CLOCK: variants seen among roughly 807,000 people sequenced by gnomAD.
The protein encoded by CLOCK is clock circadian regulator, also known as circadian locomoter output cycles protein kaput.
A neutral mutation model predicts 118.4 loss-of-function variants in CLOCK; 43 were observed. That is an observed-to-expected ratio of 0.36 (90% CI 0.28 to 0.47). CLOCK has a LOEUF of 0.47. Ranked by LOEUF, CLOCK falls within the 20% of genes least tolerant of loss-of-function variation. The pLI is 1.00. For synonymous variants in CLOCK, 326 were observed against 339.2 expected (o/e 0.96, Z 0.43); for missense variants, 846 against 999.9 (o/e 0.85, Z 2.08).
chr4:55,458,090 A>G (rs74800246), intron 11 of CLOCK, among the ~76,000 whole-genome samples: 2,357 of 152,218 alleles, frequency 0.015, 63 homozygotes, highest in African/African-American at 0.054. Context: ...AATTTATTTG[A>G]GACAGAGTCA....
At chr4:55,497,476 C>T (rs993233395) in intron 2 of CLOCK, among the ~76,000 whole-genome samples, 2 of 152,142 alleles carry the variant, frequency 1.3e-5, no homozygotes, top group African/African-American at 4.8e-5. Flanking sequence ...ATTCTGCCTA[C>T]CACGTACCAT....
At chr4:55,453,277 T>C in intron 14 of CLOCK, 148 bp from the exon 15 acceptor site, 1 of 653,226 alleles carries the variant, frequency 1.5e-6, no homozygotes. Context: ...ATACCTATAA[T>C]GTCTTAATTT....
chr4:55,443,770 T>C lies in CLOCK; in HGVS notation c.1819A>G (p.Ile607Val), dbSNP rs141058115. 5 of 1,614,022 alleles carry C rather than the reference T, an allele frequency of 3.1e-6. No individual in the cohort carries two copies. The African/African-American group carries it at 6.7e-5, about 22-fold the overall frequency. ...MQGQVVPTNQIQSGMNTGHIG... is the reference protein window; with the variant it reads ...MQGQVVPTNQVQSGMNTGHIG... ...TGTCCAGTATTCATTCCACTTTGAA[T>C]CTGGTTAGTAGGAACAACTTGGCCT... Residue 607 changes from isoleucine to valine, a missense_variant, in exon 20 of 23, where the codon ATT (isoleucine) becomes GTT (valine). Around this residue, in one of 4 missense-constraint regions of CLOCK, gnomAD observed 520 missense variants for 558.0 expected, o/e 0.93. Transcript: ENST00000513440.
chr4:55,535,302 A>G (rs1416110281), intron 1 of CLOCK, among the ~76,000 whole-genome samples: 1 of 152,200 alleles, frequency 6.6e-6, no homozygotes, highest in Non-Finnish European at 1.5e-5. Flanking sequence ...TTATACCCCA[A>G]TAAAAATCAA....
intron 1 of CLOCK, chr4:55,540,810 G>A (rs866593922): frequency 2.6e-5 from 4 of 152,204 alleles, no homozygotes; most frequent in Non-Finnish European, 5.9e-5. Flanking sequence ...GGGGTAACAT[G>A]TCACAGCCAG....
At chr4:55,537,796 A>G (rs577074009) in intron 1 of CLOCK, among the ~76,000 whole-genome samples, 1 of 151,702 alleles carries the variant, frequency 6.6e-6, no homozygotes, top group Admixed American at 6.6e-5. Flanking sequence ...CTCAAAAAAC[A>G]AATAAATAAA....
chr4:55,471,476 T>C (rs1726140575), intron 7 of CLOCK, among the ~76,000 whole-genome samples: 1 of 152,202 alleles, frequency 6.6e-6, no homozygotes, highest in Non-Finnish European at 1.5e-5. Context: ...AGGAAAATCA[T>C]AGTGGCTTTT....
At chr4:55,450,768 C>CA (rs34192457) in intron 15 of CLOCK, among the ~76,000 whole-genome samples, 76 of 142,136 alleles carry the variant, frequency 5.3e-4, no homozygotes, top group African/African-American at 7.7e-4. Context: ...GACTCCATCT[C>CA]AAAAAAAAAA....
chr4:55,452,853 A>G (rs4864995), intron 15 of CLOCK: 174,039 of 466,296 alleles, frequency 0.37, 34,701 homozygotes, highest in East Asian at 0.61. Context: ...GATCAGACAC[A>G]TCTCTCATCC....
Position 55,433,833 on chromosome 4 carries a change from T to C in CLOCK, c.*1582A>G, listed in dbSNP as rs1350728719. ...AGTTCACGTTTAGAAGGCATGTGAG[T>C]TACAATATTCTAATGTTGTAGTGAA... On this transcript the variant is annotated 3_prime_UTR_variant, in exon 23 of 23. Transcript: ENST00000513440. 2 of 152,188 alleles carry C rather than the reference T, an allele frequency of 1.3e-5. No homozygotes were observed. Among genetic ancestry groups the C allele is most frequent in the Non-Finnish European group, 2.9e-5 (2 of 68,026 alleles). 9.4% of individuals were successfully genotyped at this position (152,188 alleles called of 1,614,324 possible).
rs1156818918 is a variant in CLOCK at position 55,428,390 on chromosome 4, C to T, written c.*7025G>A. On this transcript the variant is annotated 3_prime_UTR_variant, in exon 23 of 23. Coordinates refer to ENST00000513440, the MANE Select transcript of CLOCK (RefSeq NM_004898.4). ...CACATTTTATACAATATTGTATTTC[C>T]AAACATACATAGGTCATGAAAATCA... is the stretch of plus-strand genomic sequence containing the variant. The T allele has an allele frequency of 6.6e-6, 1 of 152,078 alleles. No homozygotes were observed. The highest frequency in any genetic ancestry group is 1.5e-5 in the Non-Finnish European group (1 of 68,020). 9.4% of individuals were successfully genotyped at this position (152,078 alleles called of 1,614,324 possible).
At chr4:55,467,904 T>A (rs1725843990) in intron 8 of CLOCK, among the ~76,000 whole-genome samples, 1 of 152,212 alleles carries the variant, frequency 6.6e-6, no homozygotes, top group African/African-American at 2.4e-5. Context: ...TTATTTTCTG[T>A]ATGAACCAAA....
intron 2 of CLOCK, among the ~76,000 whole-genome samples, chr4:55,505,828 C>G (rs530856573): frequency 2.8e-4 from 30 of 108,370 alleles, no homozygotes; most frequent in Admixed American, 1.3e-3. Context: ...ATTTGACCAA[C>G]TGTCAACAAC....
At chr4:55,478,710 C>G in intron 6 of CLOCK, 105 bp downstream of exon 6, 1 of 1,096,538 alleles carries the variant, frequency 9.1e-7, no homozygotes, top group Non-Finnish European at 1.4e-6. Context: ...CAATTGATTT[C>G]TCTCTCTTAA....
intron 11 of CLOCK, among the ~76,000 whole-genome samples, chr4:55,457,854 T>G (rs867307090): frequency 4.1e-4 from 63 of 152,304 alleles, no homozygotes; most frequent in African/African-American, 1.5e-3. Context: ...GTCACTTAAC[T>G]TCCCTAAGCC....
At chr4:55,455,258 T>C (rs1023671549) in intron 13 of CLOCK, among the ~76,000 whole-genome samples, 1 of 151,780 alleles carries the variant, frequency 6.6e-6, no homozygotes, top group African/African-American at 2.4e-5. Context: ...ATAAAAAGAG[T>C]AGGCCTAGGC....
chr4:55,514,968 T>C (rs1220050928), intron 1 of CLOCK, among the ~76,000 whole-genome samples: 1 of 152,218 alleles, frequency 6.6e-6, no homozygotes, highest in Non-Finnish European at 1.5e-5. Flanking sequence ...AATTTCTTCC[T>C]TAAATGTTTG....
In CLOCK at chr4:55,450,358, A is replaced by G. The variant is rs1336862446; in HGVS notation, c.1207-126T>C. The G allele has an allele frequency of 9.9e-6, 10 of 1,011,228 alleles. No homozygotes were observed. The Admixed American group carries it at 1.5e-4, about 15-fold the overall frequency. The allele number at this position is 1,011,228 out of a possible 1,614,324, so 62.6% of individuals were successfully genotyped here. On this transcript the variant is annotated intron_variant, in intron 15 of 22. Coordinates refer to ENST00000513440, the MANE Select transcript of CLOCK (RefSeq NM_004898.4). ...TAACAAGGCAAAAGTACCTGTATGT[A>G]CATACACATGTAAAGAAATGAAAAT...
chr4:55,498,045 T>A (rs1051589182), intron 2 of CLOCK, among the ~76,000 whole-genome samples: 8 of 151,926 alleles, frequency 5.3e-5, no homozygotes, highest in Non-Finnish European at 1.2e-4. Context: ...AGGGACCTCT[T>A]AGGAAATCGG....
Sources: gnomAD v4.1 joint callset for allele counts (sites outside exome capture counted in the v4.1 genomes callset) on GRCh38, gnomAD v4.1.1 for gene constraint, gnomAD v4.1.1 regional missense constraint, MANE v1.5 for transcripts, NCBI Gene and HGNC (gene_info 2026-07-23, HGNC 2026-07-21) for gene names.